Variants in STMP1 observed in about 807,000 individuals in gnomAD.
STMP1 encodes the protein mitolamban.
Under a neutral mutation model 7.0 loss-of-function variants are expected in STMP1, and 7 were observed. That is an observed-to-expected ratio of 1.01 (90% CI 0.57 to 1.89). The LOEUF (loss-of-function observed/expected upper bound fraction) is 1.89. Ranked by LOEUF, STMP1 falls within the 40% of genes most tolerant of loss-of-function variation. STMP1 has a pLI of 0.00. For synonymous variants in STMP1, 19 were observed against 18.4 expected (o/e 1.03, Z -0.08); for missense variants, 45 against 53.0 (o/e 0.85, Z 0.47).
In STMP1 at chr7:135,662,554, C is replaced by CCCTCCTCGCCCTCCCCA. The variant is rs1400664524; in HGVS notation, c.-23_-7dup. 5.2e-6 allele frequency: 8 copies of CCCTCCTCGCCCTCCCCA among 1,546,286 alleles called. No homozygotes were observed. In the African/African-American group the frequency reaches 9.7e-5, roughly 19 times the overall value. On this transcript the variant is annotated 5_prime_UTR_variant, in exon 1 of 3. Coordinates refer to ENST00000507606, the MANE Select transcript of STMP1 (RefSeq NM_001130929.2). ...CGCGGAGCTGCTGCAGTCCTTCGCG[C>CCCTCCTCGCCCTCCCCA]CCTCCTCGCCCTCCCCACCGACATC... is the stretch of plus-strand genomic sequence containing the variant.
At chr7:135,663,854 C>T (rs920361176) in intron 1 of STMP1, among the ~76,000 whole-genome samples, 1 of 152,056 alleles carries the variant, frequency 6.6e-6, no homozygotes, top group Non-Finnish European at 1.5e-5. Flanking sequence ...CCCCGTTGGC[C>T]GGGATGGTCT....
chr7:135,664,361 T>TC (rs1282101707), intron 1 of STMP1, among the ~76,000 whole-genome samples: 2 of 150,490 alleles, frequency 1.3e-5, no homozygotes, highest in Non-Finnish European at 3.0e-5. Context: ...TTTTTTTTTT[T>TC]TTTTTTTGAG....
chr7:135,670,478 A>G (rs1795346396), intron 1 of STMP1, among the ~76,000 whole-genome samples: 1 of 152,126 alleles, frequency 6.6e-6, no homozygotes, highest in Non-Finnish European at 1.5e-5. Context: ...TGTTCCTCAG[A>G]TTTAGGTTTT....
chr7:135,676,291 A>G lies in STMP1; in HGVS notation c.*2126A>G, dbSNP rs1454057665. 1.3e-5 allele frequency: 2 copies of G among 152,212 alleles called. No homozygotes were observed. Among genetic ancestry groups the G allele is most frequent in the East Asian group, 1.9e-4 (1 of 5,194 alleles). 9.4% of individuals were successfully genotyped at this position (152,212 alleles called of 1,614,324 possible). A position where few individuals can be genotyped will look rare whatever the true frequency, so the allele number is the denominator to read the frequency against. On this transcript the variant is annotated 3_prime_UTR_variant, in exon 3 of 3. Coordinates refer to ENST00000507606, the MANE Select transcript of STMP1 (RefSeq NM_001130929.2). ...AGCTTATTCTTTCAGAAACTCTTGCATTATCTGTAGACGTGGACGTAAATA... is the reference window on the plus strand; with the variant it reads ...AGCTTATTCTTTCAGAAACTCTTGCGTTATCTGTAGACGTGGACGTAAATA...
chr7:135,673,676 C>T (rs1330098530), intron 2 of STMP1, among the ~76,000 whole-genome samples: 3 of 152,166 alleles, frequency 2.0e-5, no homozygotes, highest in African/African-American at 7.2e-5. Flanking sequence ...CAGTGGCTCA[C>T]GCCTGTAATC....
Position 135,663,176 on chromosome 7 carries a change from T to G in STMP1, c.15+582T>G, listed in dbSNP as rs1795253638. Among the ~76,000 whole-genome samples, 2 of 152,234 alleles carry G rather than the reference T, an allele frequency of 1.3e-5. 1 individual carries two copies. Among genetic ancestry groups the G allele is most frequent in the South Asian group, 4.1e-4 (2 of 4,830 alleles). On this transcript the variant is annotated intron_variant, in intron 1 of 2. Transcript: ENST00000507606. ...GTGTAAGCATGAGTAAGCAGACTAT[T>G]TCTCTTGGCTCCTTATTTGAGTTAA... is the stretch of plus-strand genomic sequence containing the variant.
chr7:135,672,422 A>G (rs2129493346), intron 1 of STMP1, among the ~76,000 whole-genome samples: 1 of 152,360 alleles, frequency 6.6e-6, no homozygotes, highest in South Asian at 2.1e-4. Flanking sequence ...CTTGTAGTCA[A>G]GTATTTATGT....
rs756265169 is a variant in STMP1, at chr7:135,674,190, G to T, written c.*25G>T. On this transcript the variant is annotated 3_prime_UTR_variant, in exon 3 of 3. Transcript: ENST00000507606. ...AGACTGCCTCCAGCACTGCCTTCAG[G>T]ATATACTGATTCTACTGCTCTTGAG... The T allele has an allele frequency of 3.3e-6, 5 of 1,500,702 alleles. No individual in the cohort carries two copies. The highest frequency in any genetic ancestry group is 4.5e-6 in the Non-Finnish European group (5 of 1,113,796). The allele number at this position is 1,500,702 out of a possible 1,614,324, so 93.0% of individuals were successfully genotyped here.
Position 135,676,375 on chromosome 7 carries a change from T to G in STMP1, c.*2210T>G, listed in dbSNP as rs1011151141. On this transcript the variant is annotated 3_prime_UTR_variant, in exon 3 of 3. Transcript: ENST00000507606. ...AGATAATGTATGTAATGTTTCACAGTGCTTTGCAGACTATCTAATAAATAG... is the reference window on the plus strand; with the variant it reads ...AGATAATGTATGTAATGTTTCACAGGGCTTTGCAGACTATCTAATAAATAG... The G allele has an allele frequency of 6.6e-6, 1 of 152,246 alleles. No individual in the cohort carries two copies. The highest frequency in any genetic ancestry group is 6.5e-5 in the Admixed American group (1 of 15,288). 9.4% of individuals were successfully genotyped at this position (152,246 alleles called of 1,614,324 possible).
intron 1 of STMP1, among the ~76,000 whole-genome samples, chr7:135,663,309 G>T (rs1795255362): frequency 6.6e-6 from 1 of 152,100 alleles, no homozygotes; most frequent in Non-Finnish European, 1.5e-5. Flanking sequence ...AAGCTATTGT[G>T]CATTCAAAAC....
intron 1 of STMP1, among the ~76,000 whole-genome samples, chr7:135,666,653 C>A (rs1372712589): frequency 6.6e-6 from 1 of 151,898 alleles, no homozygotes; most frequent in East Asian, 1.9e-4. Flanking sequence ...TACACTATTA[C>A]ACTATTATGA....
In STMP1 at chr7:135,662,523, C is replaced by T; in HGVS notation, c.-57C>T. 3.3e-6 allele frequency: 5 copies of T among 1,529,764 alleles called. No individual in the cohort carries two copies. In the South Asian group the frequency reaches 3.6e-5, roughly 11 times the overall value. The allele number at this position is 1,529,764 out of a possible 1,614,324, so 94.8% of individuals were successfully genotyped here. On this transcript the variant is annotated 5_prime_UTR_variant, in exon 1 of 3. Transcript: ENST00000507606. ...CCGCGCATGGGGAGGTAGGCTCGGA[C>T]CGGCCCGCGGAGCTGCTGCAGTCCT...
At position 135,675,457 on chromosome 7, in the gene STMP1, T is replaced by G. The variant is rs1202079607; in HGVS notation, c.*1292T>G. 2 of 152,146 alleles carry G rather than the reference T, an allele frequency of 1.3e-5. No individual in the cohort carries two copies. The highest frequency in any genetic ancestry group is 4.8e-5 in the African/African-American group (2 of 41,442). 9.4% of individuals were successfully genotyped at this position (152,146 alleles called of 1,614,324 possible). A position where few individuals can be genotyped will look rare whatever the true frequency, so the allele number is the denominator to read the frequency against. On this transcript the variant is annotated 3_prime_UTR_variant, in exon 3 of 3. Transcript: ENST00000507606. The stretch of plus-strand genomic sequence containing the variant: ...TCTTTTTTTGGCTGCCTAAAATTTT[T>G]TTGAATAGATATAACATAATTGATT...
rs1383387474 is a variant in STMP1, at chr7:135,674,589, A to G, written c.*424A>G. 1 of 155,044 alleles carries G rather than the reference A, an allele frequency of 6.4e-6. No homozygotes were observed. Among genetic ancestry groups the G allele is most frequent in the African/African-American group, 2.4e-5 (1 of 41,540 alleles). 9.6% of individuals were successfully genotyped at this position (155,044 alleles called of 1,614,324 possible). A position where few individuals can be genotyped will look rare whatever the true frequency, so the allele number is the denominator to read the frequency against. On this transcript the variant is annotated 3_prime_UTR_variant, in exon 3 of 3. Transcript: ENST00000507606. ...AATGGGTACTTGTTAAACATTTGGT[A>G]CTAAATTATGTTGCTGCAAAGTAAT...
intron 1 of STMP1, among the ~76,000 whole-genome samples, chr7:135,670,571 A>G (rs1029898477): frequency 2.0e-5 from 3 of 152,120 alleles, no homozygotes; most frequent in Admixed American, 6.5e-5. Flanking sequence ...ATTTTTCCCA[A>G]CATTTCTCTT....
rs1043835122 is a variant in STMP1 at position 135,674,202 on chromosome 7, C to T, written c.*37C>T. On this transcript the variant is annotated 3_prime_UTR_variant, in exon 3 of 3. Transcript: ENST00000507606. ...GCACTGCCTTCAGGATATACTGATT[C>T]TACTGCTCTTGAGGGCCTCGTTTAC... The T allele has an allele frequency of 6.9e-7, 1 of 1,451,366 alleles. No homozygotes were observed. Among genetic ancestry groups the T allele is most frequent in the Non-Finnish European group, 9.3e-7 (1 of 1,074,972 alleles). 89.9% of individuals were successfully genotyped at this position (1,451,366 alleles called of 1,614,324 possible). A position where few individuals can be genotyped will look rare whatever the true frequency, so the allele number is the denominator to read the frequency against.
rs185700405 is a variant in STMP1, at chr7:135,666,820, G to A, written c.15+4226G>A. Among the ~76,000 whole-genome samples the A allele has an allele frequency of 2.8e-3, 424 of 152,298 alleles. 3 individuals carry two copies. The highest frequency in any genetic ancestry group is 0.017 in the Middle Eastern group (5 of 294). On this transcript the variant is annotated intron_variant, in intron 1 of 2. Transcript: ENST00000507606. Reference sequence around the variant, plus strand: ...ACTTTTGGCTATGATGAGTAATCCTGCTAGGAATATTTGTATACAGGCTTT... The same window carrying A: ...ACTTTTGGCTATGATGAGTAATCCTACTAGGAATATTTGTATACAGGCTTT...
intron 1 of STMP1, among the ~76,000 whole-genome samples, chr7:135,667,211 TTTTA>T (rs1233774352): frequency 2.0e-5 from 3 of 152,216 alleles, no homozygotes; most frequent in African/African-American, 4.8e-5. Context: ...TTTTGTTTTA[TTTTA>T]TTTATTTATT....
chr7:135,665,998 T>G (rs1419669749), intron 1 of STMP1, among the ~76,000 whole-genome samples: 1 of 151,128 alleles, frequency 6.6e-6, no homozygotes, highest in East Asian at 2.0e-4. Context: ...GCCTCCTGGG[T>G]TCAAGCGATT....
Sources: gnomAD v4.1 joint callset for allele counts (sites outside exome capture counted in the v4.1 genomes callset) on GRCh38, gnomAD v4.1.1 for gene constraint, MANE v1.5 for transcripts, NCBI Gene and HGNC (gene_info 2026-07-23, HGNC 2026-07-21) for gene names.